STXBP4: variants seen among roughly 807,000 people sequenced by gnomAD.
The protein encoded by STXBP4 is syntaxin binding protein 4.
STXBP4 carries 55 observed loss-of-function variants against 76.1 expected under a neutral mutation model. The observed-to-expected ratio is 0.72, with a 90% confidence interval of 0.58 to 0.91. The LOEUF (loss-of-function observed/expected upper bound fraction) is 0.91, where lower values mean the gene tolerates loss of function less well. Ranked by LOEUF, STXBP4 falls within the 40% of genes least tolerant of loss-of-function variation. The probability of loss-of-function intolerance (pLI) is 0.00; values close to 1 mark genes in which losing one functional copy is unlikely to be tolerated. For synonymous variants in STXBP4, 201 were observed against 220.2 expected (o/e 0.91, Z 0.77); for missense variants, 618 against 636.9 (o/e 0.97, Z 0.32).
At chr17:55,035,937 G>C (rs755926284) in intron 10 of STXBP4, among the ~76,000 whole-genome samples, 3 of 151,902 alleles carry the variant, frequency 2.0e-5, no homozygotes, top group African/African-American at 4.8e-5. Context: ...GACTTAGAAT[G>C]TGTATACATT....
intron 16 of STXBP4, among the ~76,000 whole-genome samples, chr17:55,095,066 A>G (rs149319627): frequency 6.6e-6 from 1 of 152,350 alleles, no homozygotes; most frequent in East Asian, 1.9e-4. Context: ...GGAATATAGT[A>G]GTTGTCAAGG....
At chr17:55,035,279 A>G (rs1363293970) in intron 10 of STXBP4, among the ~76,000 whole-genome samples, 1 of 151,904 alleles carries the variant, frequency 6.6e-6, no homozygotes, top group Non-Finnish European at 1.5e-5. Flanking sequence ...ATAAATACAT[A>G]TATTTTTAAA....
chr17:55,158,016 A>T (rs56817839), intron 17 of STXBP4, among the ~76,000 whole-genome samples: 6,531 of 152,286 alleles, frequency 0.043, 384 homozygotes, highest in African/African-American at 0.14. Context: ...CTATTCAATT[A>T]TGTCAAACTT....
chr17:55,098,713 G>C (rs990700090), intron 16 of STXBP4, among the ~76,000 whole-genome samples: 1 of 152,102 alleles, frequency 6.6e-6, no homozygotes, highest in African/African-American at 2.4e-5. Flanking sequence ...TATCAGAAAG[G>C]CCTTACCTAA....
At chr17:55,196,565 C>A in the STXBP4 span, among the ~76,000 whole-genome samples, 9 of 152,190 alleles carry the variant, frequency 5.9e-5, no homozygotes, top group South Asian at 1.9e-3. Context: ...CTTCTGTGAT[C>A]TTCTCTTGTG....
chr17:55,010,542 T>C (rs1480761669), intron 8 of STXBP4, among the ~76,000 whole-genome samples: 1 of 152,128 alleles, frequency 6.6e-6, no homozygotes, highest in Non-Finnish European at 1.5e-5. Context: ...TTGATCCTAA[T>C]ATTAAACTTA....
intron 1 of STXBP4, among the ~76,000 whole-genome samples, chr17:54,979,614 A>G (rs6504951): frequency 0.28 from 42,646 of 152,128 alleles, 6,243 homozygotes; most frequent in African/African-American, 0.35. Flanking sequence ...TGAACATGCC[A>G]GATCTTGTCT....
intron 17 of STXBP4, among the ~76,000 whole-genome samples, chr17:55,154,922 TA>T (rs1332860244): frequency 2.0e-5 from 3 of 152,034 alleles, no homozygotes; most frequent in African/African-American, 7.2e-5. Context: ...GAAATTACCA[TA>T]AATATATAAT....
intron 10 of STXBP4, among the ~76,000 whole-genome samples, chr17:55,038,005 G>T (rs920194493): frequency 2.6e-5 from 4 of 152,086 alleles, no homozygotes; most frequent in Non-Finnish European, 5.9e-5. Context: ...TGTAGTTACA[G>T]ATGCTGACTG....
chr17:55,017,953 A>G (rs1781811731), intron 8 of STXBP4, among the ~76,000 whole-genome samples: 1 of 152,170 alleles, frequency 6.6e-6, no homozygotes, highest in South Asian at 2.1e-4. Context: ...AAAGTGGTCC[A>G]ATATTACTCA....
chr17:55,080,295 C>G (rs931481092), intron 15 of STXBP4, among the ~76,000 whole-genome samples: 1 of 152,120 alleles, frequency 6.6e-6, no homozygotes, highest in Middle Eastern at 3.2e-3. Flanking sequence ...AGCATATCCT[C>G]TACATGGATA....
chr17:55,196,233 C>T, the STXBP4 span, among the ~76,000 whole-genome samples: 1 of 152,118 alleles, frequency 6.6e-6, no homozygotes. Context: ...TTCTCCCCTG[C>T]AATGGCTCTC....
At chr17:55,073,202 T>C in intron 13 of STXBP4, 126 bp downstream of exon 13, 6 of 841,368 alleles carry the variant, frequency 7.1e-6, no homozygotes, top group Non-Finnish European at 1.1e-5. Flanking sequence ...TATTCAATGA[T>C]AGGATGCTGT....
At chr17:54,981,208 C>T (rs779096058) in intron 1 of STXBP4, among the ~76,000 whole-genome samples, 1 of 151,956 alleles carries the variant, frequency 6.6e-6, no homozygotes, top group Non-Finnish European at 1.5e-5. Flanking sequence ...TTACAAATAG[C>T]ATTGTTTTGT....
chr17:55,033,931 A>G (rs191125655), intron 9 of STXBP4, among the ~76,000 whole-genome samples: 1 of 152,358 alleles, frequency 6.6e-6, no homozygotes, highest in Admixed American at 6.5e-5. Context: ...TCCATGATAT[A>G]TATTTGCTTT....
chr17:55,124,436 G>T (rs1437319753), intron 16 of STXBP4, among the ~76,000 whole-genome samples: 1 of 152,178 alleles, frequency 6.6e-6, no homozygotes, highest in Non-Finnish European at 1.5e-5. Context: ...TAAAAATAAG[G>T]TAGGGAATAC....
At chr17:54,973,731 G>T (rs992975611) in intron 1 of STXBP4, among the ~76,000 whole-genome samples, 1 of 152,192 alleles carries the variant, frequency 6.6e-6, no homozygotes, top group African/African-American at 2.4e-5. Context: ...TACCATGAAT[G>T]GAATGAGAGC....
the STXBP4 span, among the ~76,000 whole-genome samples, chr17:55,208,269 A>G: frequency 1.3e-5 from 2 of 152,080 alleles, no homozygotes; most frequent in East Asian, 3.9e-4. Context: ...CCCAAGTGAC[A>G]GGCAGAGAAA....
At chr17:55,156,920 C>T (rs1478190257) in intron 17 of STXBP4, among the ~76,000 whole-genome samples, 2 of 152,032 alleles carry the variant, frequency 1.3e-5, no homozygotes, top group African/African-American at 2.4e-5. Context: ...TGATATTCAC[C>T]GTTCAGAGTC....
Sources: gnomAD v4.1 joint callset for allele counts (sites outside exome capture counted in the v4.1 genomes callset) on GRCh38, gnomAD v4.1.1 for gene constraint, MANE v1.5 for transcripts, NCBI Gene and HGNC (gene_info 2026-07-23, HGNC 2026-07-21) for gene names.